NTRK2: variants seen among roughly 807,000 people sequenced by gnomAD.
NTRK2 encodes neurotrophic receptor tyrosine kinase 2.
Under a neutral mutation model 94.5 loss-of-function variants are expected in NTRK2, and 13 were observed. That is an observed-to-expected ratio of 0.14 (90% CI 0.09 to 0.22). The LOEUF (loss-of-function observed/expected upper bound fraction) is 0.22, where lower values mean the gene tolerates loss of function less well. NTRK2 is among the 10% of genes least tolerant of loss of function. NTRK2 has a pLI of 1.00. For synonymous variants in NTRK2, 372 were observed against 407.4 expected (o/e 0.91, Z 1.05); for missense variants, 639 against 1,071.2 (o/e 0.60, Z 5.63).
chr9:84,753,087 C>G (rs2064780005), intron 12 of NTRK2, among the ~76,000 whole-genome samples: 1 of 152,136 alleles, frequency 6.6e-6, no homozygotes, highest in African/African-American at 2.4e-5. Context: ...CTGATGTTTC[C>G]TCTTTTCCCT....
intron 17 of NTRK2, among the ~76,000 whole-genome samples, chr9:84,998,493 CT>C (rs1181497038): frequency 6.6e-6 from 1 of 152,186 alleles, no homozygotes; most frequent in Non-Finnish European, 1.5e-5. Flanking sequence ...AACTCAGGAG[CT>C]GATAGACACC....
At position 84,867,239 on chromosome 9, in the gene NTRK2, C is replaced by A; in HGVS notation, c.1445-4C>A. 6.2e-7 allele frequency: 1 copy of A among 1,613,842 alleles called. No individual in the cohort carries two copies. Among genetic ancestry groups the A allele is most frequent in the South Asian group, 1.1e-5 (1 of 91,062 alleles). On this transcript the variant is annotated splice_polypyrimidine_tract_variant and splice_region_variant and intron_variant, in intron 13 of 18. Transcript: ENST00000277120. Reference sequence around the variant, plus strand: ...GGAGAATATATATATTTTTCCATCTCCAGGCCCAGCCTCCGTTATCAGCAA... The same window carrying A: ...GGAGAATATATATATTTTTCCATCTACAGGCCCAGCCTCCGTTATCAGCAA...
chr9:84,906,055 G>A (rs1350829573), intron 14 of NTRK2, among the ~76,000 whole-genome samples: 2 of 152,216 alleles, frequency 1.3e-5, no homozygotes, highest in African/African-American at 4.8e-5. Context: ...CATCCCAAAG[G>A]AAGCTGGAAA....
intron 14 of NTRK2, among the ~76,000 whole-genome samples, chr9:84,926,942 T>C (rs1337374384): frequency 6.6e-6 from 1 of 152,258 alleles, no homozygotes; most frequent in African/African-American, 2.4e-5. Context: ...TCATTTCTTA[T>C]TGATCTCTGT....
chr9:84,732,649 C>A (rs2062971195), intron 9 of NTRK2, among the ~76,000 whole-genome samples: 1 of 152,166 alleles, frequency 6.6e-6, no homozygotes, highest in African/African-American at 2.4e-5. Context: ...TCCTGTCCTC[C>A]CCAAGTTCAG....
chr9:84,970,415 C>CAAT (rs772056150), intron 17 of NTRK2, among the ~76,000 whole-genome samples: 2 of 151,296 alleles, frequency 1.3e-5, no homozygotes, highest in African/African-American at 2.4e-5. Flanking sequence ...TAAAAAATGG[C>CAAT]AATAATAATA....
intron 12 of NTRK2, among the ~76,000 whole-genome samples, chr9:84,758,635 C>T (rs982795945): frequency 2.6e-5 from 4 of 152,176 alleles, no homozygotes; most frequent in Non-Finnish European, 5.9e-5. Flanking sequence ...AGGTGATCCA[C>T]CCGCCTCAGC....
chr9:85,023,837 G>A lies in NTRK2; in HGVS notation c.*2400G>A, dbSNP rs1304733757. On this transcript the variant is annotated 3_prime_UTR_variant, in exon 19 of 19. Transcript: ENST00000277120. ...CTGCATGTCTGGCCAGCTAATCTCGGGGGAAAAGCTACAAGTTATTTATTT... is the reference window on the plus strand; with the variant it reads ...CTGCATGTCTGGCCAGCTAATCTCGAGGGAAAAGCTACAAGTTATTTATTT... The A allele has an allele frequency of 4.4e-6, 1 of 229,254 alleles. No individual in the cohort carries two copies. The highest frequency in any genetic ancestry group is 8.6e-6 in the Non-Finnish European group (1 of 115,716). 14.2% of individuals were successfully genotyped at this position (229,254 alleles called of 1,614,324 possible).
chr9:84,795,595 T>C (rs2069218779), intron 12 of NTRK2, among the ~76,000 whole-genome samples: 1 of 152,086 alleles, frequency 6.6e-6, no homozygotes, highest in African/African-American at 2.4e-5. Flanking sequence ...TCTCTTCAAC[T>C]CTCAATCTTC....
chr9:84,996,920 T>G (rs1829817712), intron 17 of NTRK2, among the ~76,000 whole-genome samples: 1 of 152,218 alleles, frequency 6.6e-6, no homozygotes. Flanking sequence ...TTCCTTTCTG[T>G]GGCTGTTTCA....
At chr9:84,791,904 T>C (rs549614943) in intron 12 of NTRK2, among the ~76,000 whole-genome samples, 3 of 152,202 alleles carry the variant, frequency 2.0e-5, no homozygotes, top group Non-Finnish European at 4.4e-5. Flanking sequence ...AGAGATGGTT[T>C]AGTTTCAGAT....
chr9:84,727,985 G>T (rs200404080), intron 9 of NTRK2, 26 bp downstream of exon 9: 45 of 1,603,192 alleles, frequency 2.8e-5, no homozygotes, highest in Admixed American at 1.2e-4. Flanking sequence ...TTTTGTATGT[G>T]GGGAGAAGAT....
chr9:84,759,856 C>T (rs1040280225), intron 12 of NTRK2, among the ~76,000 whole-genome samples: 1 of 152,110 alleles, frequency 6.6e-6, no homozygotes, highest in Non-Finnish European at 1.5e-5. Context: ...TCATTCCTAA[C>T]ATCTGATTTT....
intron 15 of NTRK2, among the ~76,000 whole-genome samples, chr9:84,941,676 G>T (rs1441117026): frequency 1.3e-5 from 2 of 152,194 alleles, no homozygotes; most frequent in African/African-American, 4.8e-5. Context: ...AAAATTTTAT[G>T]CTGGTGTATT....
intron 12 of NTRK2, among the ~76,000 whole-genome samples, chr9:84,820,505 C>A (rs757711147): frequency 6.6e-6 from 1 of 152,128 alleles, no homozygotes; most frequent in African/African-American, 2.4e-5. Flanking sequence ...TTACTAATTC[C>A]GTGAACAGTT....
At chr9:84,745,980 G>A (rs983493001) in intron 11 of NTRK2, among the ~76,000 whole-genome samples, 1 of 152,052 alleles carries the variant, frequency 6.6e-6, no homozygotes, top group Non-Finnish European at 1.5e-5. Flanking sequence ...TTTCCTCACT[G>A]TCATATGCAC....
At chr9:84,868,145 G>A (rs1003247652) in intron 14 of NTRK2, among the ~76,000 whole-genome samples, 6 of 152,188 alleles carry the variant, frequency 3.9e-5, no homozygotes, top group African/African-American at 1.4e-4. Flanking sequence ...ACCCACAGTG[G>A]ACAAACAGGC....
rs758055692 is a variant in NTRK2 at position 84,671,008 on chromosome 9, C to G, written c.212+48C>G. 1.3e-5 allele frequency: 20 copies of G among 1,571,442 alleles called. No individual in the cohort carries two copies. The Middle Eastern group carries it at 5.0e-4, about 39-fold the overall frequency. On this transcript the variant is annotated intron_variant, in intron 2 of 18. Transcript: ENST00000277120. ...CCTTTTTCTCCTTGCCCCTAGGGCC[C>G]GAGCTGGCCAGGTGGGTAGGTCCTG...
At position 84,888,982 on chromosome 9, in the gene NTRK2, A is replaced by ATTTTTTTTTTTTTTTTTTTTT. The variant is rs71369159; in HGVS notation, c.1633+21557_1633+21577dup. Among the ~76,000 whole-genome samples the ATTTTTTTTTTTTTTTTTTTTT allele has an allele frequency of 8.8e-4, 89 of 101,708 alleles. 32 individuals carry two copies. Among genetic ancestry groups the ATTTTTTTTTTTTTTTTTTTTT allele is most frequent in the East Asian group, 6.0e-3 (21 of 3,492 alleles). 66.7% of individuals were successfully genotyped at this position (101,708 alleles called of 152,430 possible). On this transcript the variant is annotated intron_variant, in intron 14 of 18. Coordinates refer to ENST00000277120, the MANE Select transcript of NTRK2 (RefSeq NM_006180.6). The stretch of plus-strand genomic sequence containing the variant: ...TCCCCATTATTTATTAATGACAGAA[A>ATTTTTTTTTTTTTTTTTTTTT]TTTTTTTTTTTTTTTTTTTTTTTTT...
Sources: allele counts gnomAD v4.1 joint callset (sites outside exome capture counted in the v4.1 genomes callset), GRCh38; gene constraint gnomAD v4.1.1; transcripts MANE v1.5; gene names NCBI Gene and HGNC (gene_info 2026-07-23, HGNC 2026-07-21).